The following CNGB1 variants were observed in gnomAD, a reference collection of about 807,000 sequenced individuals.
The protein encoded by CNGB1 is cyclic nucleotide-gated channel beta-1.
In CNGB1, 126 loss-of-function variants were observed where a neutral mutation model predicts 151.7. The ratio of observed to expected loss-of-function variants is 0.83; its 90% CI spans 0.72 to 0.96. The LOEUF is 0.96. Ranked by LOEUF, CNGB1 falls within the 40% of genes least tolerant of loss-of-function variation. The probability of loss-of-function intolerance (pLI) is 0.00; values close to 1 mark genes in which losing one functional copy is unlikely to be tolerated. For missense variants in CNGB1, 1,698 were observed against 1,627.0 expected, an observed-to-expected ratio of 1.04 and a Z score of -0.75; for synonymous variants, 623 against 635.1, an observed-to-expected ratio of 0.98 and a Z score of 0.29.
chr16:57,955,129 C>T, intron 12 of CNGB1: 1 of 1,446,872 alleles, frequency 6.9e-7, no homozygotes, highest in South Asian at 1.4e-5. Flanking sequence ...CTGGCCTTCC[C>T]CTTGTTCTGG....
Position 57,959,987 on chromosome 16 carries a change from AG to A in CNGB1, c.661del (p.Leu221CysfsTer56). 1 of 1,586,734 alleles carries A rather than the reference AG, an allele frequency of 6.3e-7. No homozygotes were observed. Among genetic ancestry groups the A allele is most frequent in the Non-Finnish European group, 8.6e-7 (1 of 1,166,656 alleles). ...ETPSLPTPIP[L>X]QPKEEPKEAP... is the part of the protein sequence containing the mutation. ...CTCCTTGGGTTCCTCCTTGGGCTGC[AG>A]GGGGATGGGTGTGGGCAGGGAGGGG... On this transcript the variant is annotated frameshift_variant, in exon 10 of 33. Coordinates refer to ENST00000251102, the MANE Select transcript of CNGB1 (RefSeq NM_001297.5). LOFTEE classifies it high-confidence loss of function.
At chr16:57,912,656 TTGTG>T (rs775021902) in intron 24 of CNGB1, among the ~76,000 whole-genome samples, 40 of 151,018 alleles carry the variant, frequency 2.6e-4, no homozygotes, top group African/African-American at 9.0e-4. Context: ...GTGTTGTGTG[TTGTG>T]TGTGTTTGTG....
intron 31 of CNGB1, among the ~76,000 whole-genome samples, chr16:57,889,054 TTTTA>T: frequency 6.6e-6 from 1 of 152,220 alleles, no homozygotes; most frequent in Non-Finnish European, 1.5e-5. Flanking sequence ...CGTGTCTTGC[TTTTA>T]AACAATCGAA....
chr16:57,911,681 T>G, intron 25 of CNGB1, 72 bp downstream of exon 25: 1 of 1,601,664 alleles, frequency 6.2e-7, no homozygotes, highest in Admixed American at 1.7e-5. Context: ...CTTCCTGGAG[T>G]CTCTGTGCTG....
chr16:57,965,116 G>A (rs1204348957), intron 2 of CNGB1, among the ~76,000 whole-genome samples: 1 of 64,694 alleles, frequency 1.5e-5, no homozygotes, highest in Non-Finnish European at 4.5e-5. Flanking sequence ...ACACATAAAT[G>A]TGTGCATACT....
intron 32 of CNGB1, among the ~76,000 whole-genome samples, chr16:57,887,193 C>T (rs1469019087): frequency 6.6e-6 from 1 of 152,162 alleles, no homozygotes; most frequent in African/African-American, 2.4e-5. Context: ...ACCCAAATAT[C>T]TTAAATTGTC....
chr16:57,932,245 G>A (rs1227674654), intron 16 of CNGB1, among the ~76,000 whole-genome samples: 1 of 152,180 alleles, frequency 6.6e-6, no homozygotes, highest in African/African-American at 2.4e-5. Flanking sequence ...GAGGACACAG[G>A]AGAGCCAGAG....
rs200985391 is a variant in CNGB1, at chr16:57,927,792, G to C, written c.1535+3924C>G. On this transcript the variant is annotated intron_variant, in intron 17 of 32. Coordinates refer to ENST00000251102, the MANE Select transcript of CNGB1 (RefSeq NM_001297.5). ...CATTGTTTCCCTGCCCATATAAAGG[G>C]AACAGGGGTAAATGGAGAGATGTCT... is the stretch of plus-strand genomic sequence containing the variant. Among the ~76,000 whole-genome samples the C allele has an allele frequency of 9.8e-5, 15 of 152,298 alleles. No homozygotes were observed. The East Asian group carries it at 2.1e-3, about 22-fold the overall frequency.
chr16:57,922,253 G>A (rs1439064842), intron 18 of CNGB1, among the ~76,000 whole-genome samples: 1 of 152,114 alleles, frequency 6.6e-6, no homozygotes, highest in African/African-American at 2.4e-5. Context: ...CATGGCCAAG[G>A]ACTGTGATTG....
intron 12 of CNGB1, chr16:57,955,480 C>T (rs1399366005): frequency 6.7e-6 from 6 of 897,688 alleles, no homozygotes; most frequent in African/African-American, 1.6e-5. Context: ...GGACACATAT[C>T]CCCCAGCCTC....
At chr16:57,948,351 T>G (rs1398796716) in intron 14 of CNGB1, among the ~76,000 whole-genome samples, 1 of 150,690 alleles carries the variant, frequency 6.6e-6, no homozygotes, top group East Asian at 2.0e-4. Flanking sequence ...GATGGGGTTT[T>G]GCTATGTTGG....
intron 1 of CNGB1, among the ~76,000 whole-genome samples, chr16:57,968,962 G>A (rs1159952697): frequency 1.3e-5 from 2 of 150,138 alleles, no homozygotes; most frequent in Non-Finnish European, 3.0e-5. Flanking sequence ...CAGTGATCAT[G>A]CCACTGCACT....
Position 57,904,931 on chromosome 16 carries a change from C to G in CNGB1, c.2493-56G>C, listed in dbSNP as rs781175847. The G allele has an allele frequency of 1.3e-5, 21 of 1,610,828 alleles. No homozygotes were observed. In the South Asian group the frequency reaches 2.1e-4, roughly 16 times the overall value. ...CATCACAGGCCCCACTCTGCCGCCC[C>G]GAGCAGTCTGGCTCAGACGCCTCTG... On this transcript the variant is annotated intron_variant, in intron 25 of 32. Coordinates refer to ENST00000251102, the MANE Select transcript of CNGB1 (RefSeq NM_001297.5).
At chr16:57,932,131 T>C (rs1192919551) in intron 16 of CNGB1, among the ~76,000 whole-genome samples, 7 of 151,926 alleles carry the variant, frequency 4.6e-5, no homozygotes, top group Non-Finnish European at 7.4e-5. Flanking sequence ...CCACGGGAGC[T>C]CCCCTACACA....
Position 57,897,932 on chromosome 16 carries a change from C to T in CNGB1, c.2977-18G>A. 1.2e-6 allele frequency: 2 copies of T among 1,612,512 alleles called. No homozygotes were observed. The highest frequency in any genetic ancestry group is 1.7e-6 in the Non-Finnish European group (2 of 1,178,468). On this transcript the variant is annotated intron_variant, in intron 29 of 32. Transcript: ENST00000251102. Reference sequence around the variant, plus strand: ...ATCTCCCCCTGAAACAAAGAAGTGACAAGTCCCTCTGTTCATCCCCCAAAG... The same window carrying T: ...ATCTCCCCCTGAAACAAAGAAGTGATAAGTCCCTCTGTTCATCCCCCAAAG...
intron 16 of CNGB1, among the ~76,000 whole-genome samples, chr16:57,934,215 A>G (rs1156747296): frequency 3.3e-5 from 5 of 151,898 alleles, no homozygotes; most frequent in Admixed American, 3.3e-4. Context: ...AGCACTTTGG[A>G]AGGCTGAGGT....
intron 17 of CNGB1, among the ~76,000 whole-genome samples, chr16:57,924,788 G>C (rs1157188404): frequency 6.6e-6 from 1 of 152,080 alleles, no homozygotes; most frequent in African/African-American, 2.4e-5. Context: ...ACTGTATAGT[G>C]AGTGAATTCT....
At chr16:57,942,016 T>A (rs1961682037) in intron 14 of CNGB1, among the ~76,000 whole-genome samples, 2 of 152,046 alleles carry the variant, frequency 1.3e-5, no homozygotes, top group African/African-American at 2.4e-5. Flanking sequence ...CACTCCTGGC[T>A]ATTTTTGTTT....
At chr16:57,938,421 C>A (rs1335588683) in intron 16 of CNGB1, among the ~76,000 whole-genome samples, 1 of 152,212 alleles carries the variant, frequency 6.6e-6, no homozygotes, top group Admixed American at 6.5e-5. Flanking sequence ...CGAGACACAT[C>A]CTCGTCCCAA....
Sources: allele counts gnomAD v4.1 joint callset (sites outside exome capture counted in the v4.1 genomes callset), GRCh38; gene constraint gnomAD v4.1.1; transcripts MANE v1.5; gene names NCBI Gene and HGNC (gene_info 2026-07-23, HGNC 2026-07-21).